C20orf173: variants seen among roughly 807,000 people sequenced by gnomAD.
The protein encoded by C20orf173 is chromosome 20 open reading frame 173.
A neutral mutation model predicts 26.7 loss-of-function variants in C20orf173; 22 were observed. That is an observed-to-expected ratio of 0.82 (90% CI 0.59 to 1.18). C20orf173 has a LOEUF of 1.18. C20orf173 is among the 50% of genes most tolerant of loss of function. The probability of loss-of-function intolerance (pLI) is 0.00; values close to 1 mark genes in which losing one functional copy is unlikely to be tolerated. For missense variants in C20orf173, 210 were observed against 250.3 expected, an observed-to-expected ratio of 0.84 and a Z score of 1.09; for synonymous variants, 85 against 96.4, an observed-to-expected ratio of 0.88 and a Z score of 0.69.
chr20:35,525,352 G>C (rs1466229200), downstream of C20orf173, among the ~76,000 whole-genome samples: 5 of 152,052 alleles, frequency 3.3e-5, no homozygotes, highest in Admixed American at 1.3e-4. Context: ...AGGAGTTTGA[G>C]ACCAGCCTGG....
chr20:35,528,594 A>G (rs1451543270), intron 3 of C20orf173, 50 bp from the exon 4 acceptor site: 1 of 1,548,002 alleles, frequency 6.5e-7, no homozygotes, highest in Admixed American at 2.0e-5. Context: ...CGTCCATCTC[A>G]AAGCCCTGGA....
rs772416268 is a variant in C20orf173, at chr20:35,529,141, G to A, written c.233C>T (p.Ala78Val). The change falls in exon 2 of 6, where the codon GCG becomes GTG. Residue 78 changes from alanine (A) to valine (V), a missense_variant. By Grantham distance (64) the Ala-to-Val change is moderately conservative. Transcript: ENST00000444723. The stretch of plus-strand genomic sequence containing the variant: ...GTACCCCATAGTCTTCCTGGAGCAC[G>A]CATCAAGCCAGTTCCATTCGTCGGC... ...HTADEWNWLD[A>V]CSRKTMGYLM... is the part of the protein sequence containing the mutation. 1.4e-4 allele frequency: 213 copies of A among 1,551,568 alleles called. 1 individual carries two copies. The highest frequency in any genetic ancestry group is 2.3e-4 in the African/African-American group (17 of 73,026).
chr20:35,528,836 A>C lies in C20orf173; in HGVS notation c.353T>G (p.Leu118Arg). The C allele has an allele frequency of 6.4e-7, 1 of 1,551,448 alleles. No individual in the cohort carries two copies. The highest frequency in any genetic ancestry group is 8.7e-7 in the Non-Finnish European group (1 of 1,146,900). ...GSELGKLWRK[L>R]FKGIPRLSVS... ...CGAGAGCCTGGGAATCCCTTTAAAC[A>C]GCTTCCTCCACAATTTCCCAAGCTC... The change falls in exon 3 of 6, where the codon CTG becomes CGG. Residue 118 changes from leucine to arginine, a missense_variant. By Grantham distance (102) the Leu-to-Arg change is moderately radical. Transcript: ENST00000444723.
chr20:35,528,723 C>G lies in C20orf173; in HGVS notation c.466G>C (p.Asp156His). 3 of 1,538,096 alleles carry G rather than the reference C, an allele frequency of 2.0e-6. No individual in the cohort carries two copies. The highest frequency in any genetic ancestry group is 8.8e-7 in the Non-Finnish European group (1 of 1,140,432). ...PQGSSLGNDI[D>H]QYPVVFRNAS... ...CACCTGAAAACCACGGGGTATTGGT[C>G]GATGTCGTTGCCAAGGCTGGAGCCC... The change falls in exon 3 of 6, where the codon GAC (aspartate) becomes CAC (histidine). Residue 156 changes from aspartate (D) to histidine (H), a missense_variant. Asp to His is a moderately conservative substitution (Grantham distance 81). Transcript: ENST00000444723.
rs796162046 is a variant in C20orf173 at position 35,528,679 on chromosome 20, C to T, written c.488+22G>A. 3.3e-6 allele frequency: 5 copies of T among 1,528,306 alleles called. No individual in the cohort carries two copies. In the African/African-American group the frequency reaches 5.5e-5, roughly 17 times the overall value. The allele number at this position is 1,528,306 out of a possible 1,614,324, so 94.7% of individuals were successfully genotyped here. A position where few individuals can be genotyped will look rare whatever the true frequency, so the allele number is the denominator to read the frequency against. Reference sequence around the variant, plus strand: ...TGGGGCAGGCCTGGCCTTCCTGCTCCCGCCCTCTCCCCAGCACCCACCTGA... The same window carrying T: ...TGGGGCAGGCCTGGCCTTCCTGCTCTCGCCCTCTCCCCAGCACCCACCTGA... On this transcript the variant is annotated intron_variant, in intron 3 of 5. Transcript: ENST00000444723.
intron 2 of C20orf173, 34 bp from the exon 3 acceptor site, chr20:35,528,913 C>T (rs1315303773): frequency 3.2e-6 from 5 of 1,550,562 alleles, no homozygotes; most frequent in Admixed American, 3.9e-5. Flanking sequence ...GGGGGCTGGG[C>T]CCAGGGGAGA....
At chr20:35,521,799 C>T (rs139410559), downstream of C20orf173, among the ~76,000 whole-genome samples, 2 of 151,814 alleles carry the variant, frequency 1.3e-5, no homozygotes, top group African/African-American at 2.4e-5. Flanking sequence ...GTAGAGACGG[C>T]GTTTCTCCAT....
downstream of C20orf173, chr20:35,522,406 C>G: frequency 6.6e-6 from 1 of 152,330 alleles, no homozygotes; most frequent in African/African-American, 2.4e-5. Flanking sequence ...GTTTTTTTTG[C>G]TTCCACATGC....
rs1463021404 is a variant in C20orf173, at chr20:35,528,842, C to T, written c.347G>A (p.Arg116Lys). ...CCTGGGAATCCCTTTAAACAGCTTC[C>T]TCCACAATTTCCCAAGCTCGCTCCC... Reference protein sequence around the residue: ...NSGSELGKLWRKLFKGIPRLS... With the variant: ...NSGSELGKLWKKLFKGIPRLS... The change falls in exon 3 of 6, where the codon AGG becomes AAG. Residue 116 changes from arginine to lysine, a missense_variant. Physicochemically the swap from Arg to Lys is conservative, Grantham distance 26 (BLOSUM62 2). Coordinates refer to ENST00000444723, the MANE Select transcript of C20orf173 (RefSeq NM_001145350.2). 2 of 1,551,498 alleles carry T rather than the reference C, an allele frequency of 1.3e-6. No individual in the cohort carries two copies. The highest frequency in any genetic ancestry group is 1.7e-6 in the Non-Finnish European group (2 of 1,146,922).
Position 35,529,542 on chromosome 20 carries a change from A to C in C20orf173, c.-52+17T>G. 1 of 642,750 alleles carries C rather than the reference A, an allele frequency of 1.6e-6. No individual in the cohort carries two copies. Among genetic ancestry groups the C allele is most frequent in the South Asian group, 2.0e-5 (1 of 50,088 alleles). 39.8% of individuals were successfully genotyped at this position (642,750 alleles called of 1,614,324 possible). A position where few individuals can be genotyped will look rare whatever the true frequency, so the allele number is the denominator to read the frequency against. ...CTTCCAACCCCTCCTCTCCTGCCTC[A>C]CTATCCATTTGCTCACCCTCAAAAC... On this transcript the variant is annotated intron_variant, in intron 1 of 5. Transcript: ENST00000444723.
downstream of C20orf173, among the ~76,000 whole-genome samples, chr20:35,526,722 A>AAAAAAAC (rs1394259543): frequency 1.3e-5 from 2 of 151,718 alleles, no homozygotes; most frequent in Non-Finnish European, 1.5e-5. Flanking sequence ...AAAGCTGGGC[A>AAAAAAAC]AAAAAACAAA....
downstream of C20orf173, among the ~76,000 whole-genome samples, chr20:35,526,635 A>G (rs1276377523): frequency 1.3e-5 from 2 of 151,166 alleles, no homozygotes; most frequent in Non-Finnish European, 3.0e-5. Context: ...TCTCAAAAAA[A>G]AAAAAAAAAA....
downstream of C20orf173, among the ~76,000 whole-genome samples, chr20:35,526,755 T>C (rs753449103): frequency 7.5e-5 from 11 of 147,602 alleles, no homozygotes; most frequent in African/African-American, 1.8e-4. Context: ...ACCCTCACCC[T>C]CCGGCATGGG....
downstream of C20orf173, chr20:35,523,174 G>T (rs935436851): frequency 3.3e-5 from 5 of 152,698 alleles, no homozygotes; most frequent in African/African-American, 1.2e-4. Context: ...TGGAAAAGTT[G>T]CTGGGATGGT....
rs2064522152 is a variant in C20orf173, at chr20:35,528,503, A to G, written c.530T>C (p.Leu177Pro). 9.0e-6 allele frequency: 14 copies of G among 1,551,740 alleles called. No individual in the cohort carries two copies. Among genetic ancestry groups the G allele is most frequent in the Non-Finnish European group, 1.2e-5 (14 of 1,147,002 alleles). ...DQGSWMQLEM[L>P]LRKLSDLVWT... ...CACCAGGTCAGAGAGCTTCCGCAGTAGCATCTCCAGCTGCATCCAGGAGCC... is the reference window on the plus strand; with the variant it reads ...CACCAGGTCAGAGAGCTTCCGCAGTGGCATCTCCAGCTGCATCCAGGAGCC... The change falls in exon 4 of 6, where the codon CTA becomes CCA. Residue 177 changes from leucine to proline, a missense_variant. Transcript: ENST00000444723.
rs2064517564 is a variant in C20orf173, at chr20:35,528,218, C to T, written c.*25+15G>A. ...CCCACAGCCACATCCTACCCCTTTT[C>T]CTATTCCCCCTCACCGTGTCTTTGC... On this transcript the variant is annotated intron_variant, in intron 5 of 5. Transcript: ENST00000444723. 6.5e-7 allele frequency: 1 copy of T among 1,550,110 alleles called. No homozygotes were observed. Among genetic ancestry groups the T allele is most frequent in the Non-Finnish European group, 8.7e-7 (1 of 1,146,052 alleles).
Position 35,529,363 on chromosome 20 carries a change from C to G in C20orf173, c.11G>C (p.Trp4Ser), listed in dbSNP as rs1453801118. 1 of 1,541,442 alleles carries G rather than the reference C, an allele frequency of 6.5e-7. No individual in the cohort carries two copies. Among genetic ancestry groups the G allele is most frequent in the South Asian group, 1.2e-5 (1 of 83,390 alleles). Residue 4 changes from tryptophan (W) to serine (S), a missense_variant, in exon 2 of 6, where the codon TGG (tryptophan) becomes TCG (serine). Physicochemically the swap from Trp to Ser is radical, Grantham distance 177. Transcript: ENST00000444723. ...AAAGACCCACAGGACAAAAATCTGC[C>G]AGCGCTTCATGTCTGGCCCAGGCGG... MKRWQIFVLWVFWV... is the reference protein window; with the variant it reads MKRSQIFVLWVFWV...
chr20:35,526,246 T>C (rs1448865723), downstream of C20orf173, among the ~76,000 whole-genome samples: 7 of 152,284 alleles, frequency 4.6e-5, no homozygotes, highest in Non-Finnish European at 8.8e-5. Context: ...TTCAGCTCTT[T>C]CCATTAGGAA....
In C20orf173 at chr20:35,528,844, C is replaced by T; in HGVS notation, c.345G>A (p.Trp115Ter). 2 of 1,551,424 alleles carry T rather than the reference C, an allele frequency of 1.3e-6. No homozygotes were observed. Among genetic ancestry groups the T allele is most frequent in the Non-Finnish European group, 1.7e-6 (2 of 1,146,942 alleles). ...MNSGSELGKL[W>*]RKLFKGIPRL... Reference sequence around the variant, plus strand: ...TGGGAATCCCTTTAAACAGCTTCCTCCACAATTTCCCAAGCTCGCTCCCTG... The same window carrying T: ...TGGGAATCCCTTTAAACAGCTTCCTTCACAATTTCCCAAGCTCGCTCCCTG... The change falls in exon 3 of 6, where the codon TGG becomes TGA. Residue 115 changes from tryptophan to a stop codon, truncating the protein, a stop_gained. Transcript: ENST00000444723. LOFTEE classifies it high-confidence loss of function.
Sources: gnomAD v4.1 joint callset for allele counts (sites outside exome capture counted in the v4.1 genomes callset) on GRCh38, gnomAD v4.1.1 for gene constraint, MANE v1.5 for transcripts, NCBI Gene and HGNC (gene_info 2026-07-23, HGNC 2026-07-21) for gene names.